Variants in NTRK3 observed in about 807,000 individuals in gnomAD.
NTRK3 encodes the protein neurotrophic receptor tyrosine kinase 3, also known as NT-3 growth factor receptor.
In NTRK3, 24 loss-of-function variants were observed where a neutral mutation model predicts 91.7. The observed-to-expected ratio is 0.26, with a 90% CI of 0.19 to 0.37. The LOEUF (loss-of-function observed/expected upper bound fraction) is 0.37, where lower values mean the gene tolerates loss of function less well. NTRK3 is among the 10% of genes least tolerant of loss of function. The probability of loss-of-function intolerance (pLI) is 1.00; values close to 1 mark genes in which losing one functional copy is unlikely to be tolerated. For missense variants in NTRK3, 880 were observed against 1,068.9 expected (o/e 0.82, Z 2.46); for synonymous variants, 483 against 404.0 (o/e 1.20, Z -2.34).
chr15:88,001,644 A>G (rs2076103822), intron 14 of NTRK3, among the ~76,000 whole-genome samples: 1 of 152,174 alleles, frequency 6.6e-6, no homozygotes, highest in African/African-American at 2.4e-5. Context: ...AAATCAGTTG[A>G]CCGCAAAAGT....
chr15:88,203,064 A>C lies in NTRK3; in HGVS notation c.249-18765T>G, dbSNP rs577059537. 5.9e-5 allele frequency among the ~76,000 whole-genome samples: 9 copies of C among 152,236 alleles called. No individual in the cohort carries two copies. In the South Asian group the frequency reaches 1.2e-3, roughly 21 times the overall value. On this transcript the variant is annotated intron_variant, in intron 3 of 18. Coordinates refer to ENST00000394480, the Ensembl canonical transcript of NTRK3. ...CTGAGAGCTTTCTCTGGAGTGGGCC[A>C]AGTGTCTGCAGGGCTTAATACCCCA...
At chr15:88,089,774 T>C (rs1486222711) in intron 13 of NTRK3, among the ~76,000 whole-genome samples, 1 of 152,154 alleles carries the variant, frequency 6.6e-6, no homozygotes, top group Non-Finnish European at 1.5e-5. Flanking sequence ...CTGTGGCTCA[T>C]TTCCCATGAA....
rs554310026 is a variant in NTRK3 at position 88,162,041 on chromosome 15, G to GTGC, written c.396-14641_396-14639dup. Among the ~76,000 whole-genome samples, 158 of 152,280 alleles carry GTGC rather than the reference G, an allele frequency of 1.0e-3. 1 individual carries two copies. Among genetic ancestry groups the GTGC allele is most frequent in the South Asian group, 7.9e-3 (38 of 4,828 alleles). On this transcript the variant is annotated intron_variant, in intron 5 of 18. Transcript: ENST00000394480. ...ACAGAGCTCCAGCTTCATATTTCAA[G>GTGC]TGCTCACTCCTGTAATAAACCAGCA... is the stretch of plus-strand genomic sequence containing the variant.
chr15:88,023,195 T>C (rs2077732227), intron 14 of NTRK3, among the ~76,000 whole-genome samples: 3 of 152,184 alleles, frequency 2.0e-5, no homozygotes, highest in African/African-American at 7.2e-5. Context: ...CTTGTATGTA[T>C]ACTAAAGTTC....
chr15:88,247,574 T>G (rs1415181565), intron 3 of NTRK3, among the ~76,000 whole-genome samples: 1 of 152,216 alleles, frequency 6.6e-6, no homozygotes, highest in Non-Finnish European at 1.5e-5. Context: ...GCCTAGCGAA[T>G]ACATCATTGC....
rs577959047 is a variant in NTRK3 at position 88,233,622 on chromosome 15, C to T, written c.248+22284G>A. On this transcript the variant is annotated intron_variant, in intron 3 of 18. Coordinates refer to ENST00000394480, the Ensembl canonical transcript of NTRK3. This position sits in a 1 kb window ranked among gnomAD's most constrained non-coding sequence, Gnocchi z 4.2. ...TGTCCTGAAACTCCAAAACTCTCTT[C>T]CTTCCACAAAAACCAAATGCAGGGT... Among the ~76,000 whole-genome samples the T allele has an allele frequency of 1.3e-5, 2 of 152,282 alleles. No homozygotes were observed. Among genetic ancestry groups the T allele is most frequent in the South Asian group, 4.2e-4 (2 of 4,818 alleles).
intron 3 of NTRK3, among the ~76,000 whole-genome samples, chr15:88,239,221 G>C (rs552919016): frequency 6.6e-6 from 1 of 152,192 alleles, no homozygotes; most frequent in Non-Finnish European, 1.5e-5. Flanking sequence ...GGAAGTGGCC[G>C]GATCACGAGA....
chr15:87,981,383 G>A, intron 14 of NTRK3: 1 of 1,613,882 alleles, frequency 6.2e-7, no homozygotes, highest in African/African-American at 1.3e-5. Flanking sequence ...GCAGACATGG[G>A]GGAATTAATG....
At position 87,880,257 on chromosome 15, in the gene NTRK3, A is replaced by T. The variant is rs552746233; in HGVS notation, c.2292+13T>A. 1.9e-6 allele frequency: 3 copies of T among 1,613,326 alleles called. No individual in the cohort carries two copies. The highest frequency in any genetic ancestry group is 2.2e-5 in the East Asian group (1 of 44,856). ...CCTCCCCCAATCAAGATTCCTACGCACCCCCTTTTTACCTCCGTGTTTGAG... is the reference window on the plus strand; with the variant it reads ...CCTCCCCCAATCAAGATTCCTACGCTCCCCCTTTTTACCTCCGTGTTTGAG... On this transcript the variant is annotated intron_variant, in intron 18 of 18. Coordinates refer to ENST00000394480, the Ensembl canonical transcript of NTRK3.
chr15:88,057,272 G>A (rs1240627477), intron 13 of NTRK3, among the ~76,000 whole-genome samples: 3 of 151,708 alleles, frequency 2.0e-5, no homozygotes, highest in African/African-American at 2.4e-5. Flanking sequence ...CGAGGTGTGC[G>A]GATCACTTGA....
chr15:87,973,104 C>G (rs1448534551), intron 14 of NTRK3, among the ~76,000 whole-genome samples: 1 of 152,154 alleles, frequency 6.6e-6, no homozygotes, highest in African/African-American at 2.4e-5. Flanking sequence ...TCACACCCAC[C>G]CAGAAGTCAA....
intron 17 of NTRK3, among the ~76,000 whole-genome samples, chr15:87,888,521 T>A (rs1209508502): frequency 6.6e-6 from 1 of 152,198 alleles, no homozygotes; most frequent in Non-Finnish European, 1.5e-5. Context: ...TCAGTCTCTG[T>A]GAACTCTGAA....
intron 14 of NTRK3, among the ~76,000 whole-genome samples, chr15:87,981,630 GCA>G (rs2074283391): frequency 6.6e-6 from 1 of 152,122 alleles, no homozygotes. Flanking sequence ...ACTCTGTCCT[GCA>G]CTTTTCCTAA....
intron 5 of NTRK3, among the ~76,000 whole-genome samples, chr15:88,181,815 C>T (rs191887909): frequency 1.3e-5 from 2 of 152,376 alleles, no homozygotes; most frequent in Admixed American, 1.3e-4. Flanking sequence ...GAACTGATGA[C>T]TGGTTGCCTC....
At chr15:88,166,734 G>A (rs1196045325) in intron 5 of NTRK3, among the ~76,000 whole-genome samples, 2 of 152,318 alleles carry the variant, frequency 1.3e-5, no homozygotes, top group East Asian at 3.9e-4. Context: ...AAGAACATGA[G>A]CTCTGGACCA....
intron 5 of NTRK3, among the ~76,000 whole-genome samples, chr15:88,183,214 T>A (rs939024480): frequency 1.2e-4 from 19 of 152,112 alleles, no homozygotes; most frequent in African/African-American, 4.1e-4. Context: ...TGGTCCTAGA[T>A]TTTTCCTTCT....
intron 13 of NTRK3, among the ~76,000 whole-genome samples, chr15:88,124,258 C>G (rs530483511): frequency 1.3e-5 from 2 of 152,146 alleles, no homozygotes; most frequent in Non-Finnish European, 2.9e-5. Context: ...CTTCCACCTA[C>G]GTGGACATGT....
intron 13 of NTRK3, among the ~76,000 whole-genome samples, chr15:88,070,650 C>A (rs557877705): frequency 6.6e-6 from 1 of 152,264 alleles, no homozygotes; most frequent in South Asian, 2.1e-4. Flanking sequence ...TCCTCACTCC[C>A]CTCCACCCAC....
At chr15:87,902,809 C>T (rs1348021140) in intron 17 of NTRK3, among the ~76,000 whole-genome samples, 1 of 151,804 alleles carries the variant, frequency 6.6e-6, no homozygotes, top group Non-Finnish European at 1.5e-5. Flanking sequence ...AGAAATGAAC[C>T]AAAGAAAAAA....
Sources: gnomAD v4.1 joint callset for allele counts (sites outside exome capture counted in the v4.1 genomes callset) on GRCh38, gnomAD v4.1.1 for gene constraint, Gnocchi (gnomAD v3.1) non-coding constraint, MANE v1.5 for transcripts, NCBI Gene and HGNC (gene_info 2026-07-23, HGNC 2026-07-21) for gene names.